Variants in UNC13C observed in about 807,000 individuals in gnomAD.
The protein encoded by UNC13C is protein unc-13 homolog C.
UNC13C carries 174 observed loss-of-function variants against 245.4 expected under a neutral mutation model. The observed-to-expected ratio is 0.71, with a 90% confidence interval of 0.63 to 0.80. The LOEUF (loss-of-function observed/expected upper bound fraction) is 0.80, where lower values mean the gene tolerates loss of function less well. UNC13C is among the 30% of genes least tolerant of loss of function. The pLI is 0.00. For synonymous variants in UNC13C, 992 were observed against 895.1 expected, an observed-to-expected ratio of 1.11 and a Z score of -1.93; for missense variants, 2,829 against 2,602.9, an observed-to-expected ratio of 1.09 and a Z score of -1.89.
chr15:54,196,160 A>G (rs1346373164), intron 4 of UNC13C, among the ~76,000 whole-genome samples: 1 of 152,164 alleles, frequency 6.6e-6, no homozygotes, highest in East Asian at 1.9e-4. Flanking sequence ...TATTTTCTAA[A>G]CAAAATATAA....
At chr15:54,513,607 T>G (rs1348236380) in intron 24 of UNC13C, among the ~76,000 whole-genome samples, 2 of 152,170 alleles carry the variant, frequency 1.3e-5, no homozygotes, top group African/African-American at 2.4e-5. Context: ...GACTAAACCA[T>G]AGAACTCCTC....
At chr15:53,857,820 A>T in the UNC13C span, among the ~76,000 whole-genome samples, 93,379 of 152,068 alleles carry the variant, frequency 0.61, 28,949 homozygotes, top group East Asian at 0.76. Context: ...TCTGATTAAC[A>T]TTTTTGGTGA....
At chr15:54,561,231 C>T (rs1897285986) in intron 29 of UNC13C, among the ~76,000 whole-genome samples, 2 of 152,072 alleles carry the variant, frequency 1.3e-5, no homozygotes, top group African/African-American at 4.8e-5. Context: ...TGTTCATTCT[C>T]TCCGGGAGTT....
chr15:53,841,540 G>T, the UNC13C span, among the ~76,000 whole-genome samples: 12 of 151,986 alleles, frequency 7.9e-5, no homozygotes, highest in Non-Finnish European at 5.9e-5. Flanking sequence ...AAAAAAATAA[G>T]ATATTTTTGT....
At chr15:54,373,357 G>A (rs1858358) in intron 17 of UNC13C, among the ~76,000 whole-genome samples, 37,102 of 152,076 alleles carry the variant, frequency 0.24, 5,159 homozygotes, top group East Asian at 0.64. Flanking sequence ...ACTCACACTG[G>A]CAGGCCATGC....
chr15:54,189,800 A>G (rs1009425266), intron 4 of UNC13C, among the ~76,000 whole-genome samples: 1 of 152,118 alleles, frequency 6.6e-6, no homozygotes, highest in African/African-American at 2.4e-5. Context: ...AATACATGCC[A>G]CAAACAGCTG....
rs564701396 is a variant in UNC13C, at chr15:54,231,135, G to A, written c.3072-3895G>A. Among the ~76,000 whole-genome samples the A allele has an allele frequency of 3.9e-5, 6 of 152,082 alleles. No individual in the cohort carries two copies. In the South Asian group the frequency reaches 1.0e-3, roughly 26 times the overall value. On this transcript the variant is annotated intron_variant, in intron 4 of 32. Transcript: ENST00000260323. ...GAGGCTATTTTGTACAATGAAACAG[G>A]GTTGTGATCTGAAGATAATACTTTC...
intron 14 of UNC13C, among the ~76,000 whole-genome samples, chr15:54,326,551 A>G (rs1054908176): frequency 1.3e-5 from 2 of 152,004 alleles, no homozygotes; most frequent in African/African-American, 4.8e-5. Context: ...TATAAAGATA[A>G]TGGGGTGAAG....
At chr15:54,172,309 A>G (rs981489927) in intron 4 of UNC13C, among the ~76,000 whole-genome samples, 2 of 151,956 alleles carry the variant, frequency 1.3e-5, no homozygotes, top group African/African-American at 4.8e-5. Flanking sequence ...AGGATACCCC[A>G]TTGACTCTTA....
At chr15:54,339,072 T>C (rs1445313203) in intron 17 of UNC13C, among the ~76,000 whole-genome samples, 2 of 152,190 alleles carry the variant, frequency 1.3e-5, no homozygotes, top group African/African-American at 2.4e-5. Flanking sequence ...TTCTCCATGT[T>C]GGCCAGGCTG....
chr15:54,229,037 A>G (rs1002397972), intron 4 of UNC13C, among the ~76,000 whole-genome samples: 1 of 152,194 alleles, frequency 6.6e-6, no homozygotes, highest in Admixed American at 6.5e-5. Context: ...GGGATGGGCT[A>G]GTCCCCACTT....
chr15:54,522,203 G>T (rs1253177615), intron 24 of UNC13C, among the ~76,000 whole-genome samples: 1 of 152,026 alleles, frequency 6.6e-6, no homozygotes, highest in African/African-American at 2.4e-5. Flanking sequence ...AGGCGCGGTG[G>T]CTCACGCCTG....
intron 17 of UNC13C, among the ~76,000 whole-genome samples, chr15:54,350,897 T>C (rs1335716586): frequency 2.6e-5 from 4 of 152,256 alleles, no homozygotes; most frequent in Non-Finnish European, 5.9e-5. Flanking sequence ...ATCTACAATG[T>C]GCTTCTTTAT....
intron 10 of UNC13C, among the ~76,000 whole-genome samples, chr15:54,282,263 A>G (rs1227108004): frequency 6.6e-6 from 1 of 152,232 alleles, no homozygotes; most frequent in Non-Finnish European, 1.5e-5. Context: ...ACACATGTAT[A>G]CATACATATA....
chr15:53,857,075 C>A, the UNC13C span, among the ~76,000 whole-genome samples: 1 of 152,048 alleles, frequency 6.6e-6, no homozygotes, highest in Admixed American at 6.6e-5. Flanking sequence ...GGATTAGAGG[C>A]GTGAACCACC....
intron 2 of UNC13C, among the ~76,000 whole-genome samples, chr15:54,138,747 A>G (rs1313222711): frequency 6.6e-6 from 1 of 151,790 alleles, no homozygotes; most frequent in African/African-American, 2.4e-5. Flanking sequence ...AAATTGAGTG[A>G]CTTAGAGTAG....
the UNC13C span, among the ~76,000 whole-genome samples, chr15:53,917,228 G>A: frequency 6.6e-6 from 1 of 152,188 alleles, no homozygotes; most frequent in Non-Finnish European, 1.5e-5. Context: ...AATGGAAGAA[G>A]TGATTTCACC....
Position 54,152,931 on chromosome 15 carries a change from A to G in UNC13C, c.3071+9247A>G, listed in dbSNP as rs79295425. Among the ~76,000 whole-genome samples the G allele has an allele frequency of 4.4e-3, 667 of 152,286 alleles. 40 individuals are homozygous for G. The East Asian group carries it at 0.086, about 20-fold the overall frequency. On this transcript the variant is annotated intron_variant, in intron 4 of 32. Coordinates refer to ENST00000260323, the MANE Select transcript of UNC13C (RefSeq NM_001080534.3). Reference sequence around the variant, plus strand: ...GCATATATAGAGTATGTTTTTAGGTATCTTTTAATGAATGAATACCTTATT... The same window carrying G: ...GCATATATAGAGTATGTTTTTAGGTGTCTTTTAATGAATGAATACCTTATT...
At chr15:54,525,411 C>CAA in intron 24 of UNC13C, 138 bp from the exon 25 acceptor site, 1 of 521,622 alleles carries the variant, frequency 1.9e-6, no homozygotes, top group Non-Finnish European at 3.2e-6. Flanking sequence ...ATTTCAAAGA[C>CAA]CAAAAAAAAA....
Sources: gnomAD v4.1 joint callset for allele counts (sites outside exome capture counted in the v4.1 genomes callset) on GRCh38, gnomAD v4.1.1 for gene constraint, MANE v1.5 for transcripts, NCBI Gene and HGNC (gene_info 2026-07-23, HGNC 2026-07-21) for gene names.